PARN: variants seen among roughly 807,000 people sequenced by gnomAD.
PARN encodes the protein poly(A)-specific ribonuclease.
In PARN, 71 loss-of-function variants were observed where a neutral mutation model predicts 102.8. That is an observed-to-expected ratio of 0.69 (90% CI 0.57 to 0.84). The LOEUF is 0.84. PARN is among the 40% of genes least tolerant of loss of function. PARN has a pLI of 0.00. For synonymous variants in PARN, 261 were observed against 252.9 expected, an observed-to-expected ratio of 1.03 and a Z score of -0.30; for missense variants, 782 against 760.9, an observed-to-expected ratio of 1.03 and a Z score of -0.33.
rs981396038 is a variant in PARN, at chr16:14,494,732, T to C, written c.1481-11905A>G. 3.3e-5 allele frequency among the ~76,000 whole-genome samples: 5 copies of C among 152,112 alleles called. No homozygotes were observed. In the East Asian group the frequency reaches 7.7e-4, roughly 23 times the overall value. On this transcript the variant is annotated intron_variant, in intron 21 of 23. Coordinates refer to ENST00000437198, the MANE Select transcript of PARN (RefSeq NM_002582.4). Reference sequence around the variant, plus strand: ...TCAGATCTCCTCCTCCTGACAAAGATTCCGGGAGATCAGCAGGACGCCAGG... The same window carrying C: ...TCAGATCTCCTCCTCCTGACAAAGACTCCGGGAGATCAGCAGGACGCCAGG...
At chr16:14,578,666 A>AG (rs1969315276) in intron 18 of PARN, 1 of 152,128 alleles carries the variant, frequency 6.6e-6, no homozygotes, top group African/African-American at 2.4e-5. Flanking sequence ...CAAAAAAAAA[A>AG]GAAAGAAAAA....
chr16:14,610,977 CCATT>C lies in PARN; in HGVS notation c.389-172_389-169del, dbSNP rs150042122. ...ATTTTGAAATGTGTTTATCATTCAT[CCATT>C]CATTCAGTCTTCTTTCAAGAAATAT... On this transcript the variant is annotated intron_variant, in intron 6 of 23. Transcript: ENST00000437198. 3.3e-3 allele frequency among the ~76,000 whole-genome samples: 498 copies of C among 152,324 alleles called. 19 individuals carry two copies. In the East Asian group the frequency reaches 0.079, roughly 24 times the overall value.
chr16:14,525,379 C>A (rs555192762), intron 21 of PARN, among the ~76,000 whole-genome samples: 1 of 152,166 alleles, frequency 6.6e-6, no homozygotes, highest in African/African-American at 2.4e-5. Context: ...CTCAATGCAG[C>A]GGTCACAGAA....
chr16:14,483,211 A>C (rs759110734), intron 21 of PARN, among the ~76,000 whole-genome samples: 59 of 152,232 alleles, frequency 3.9e-4, no homozygotes, highest in Admixed American at 7.2e-4. Flanking sequence ...GAAAACTATA[A>C]ACCCTCACTA....
intron 21 of PARN, among the ~76,000 whole-genome samples, chr16:14,503,105 C>G (rs1964706742): frequency 6.6e-6 from 1 of 152,148 alleles, no homozygotes; most frequent in African/African-American, 2.4e-5. Flanking sequence ...CCTATCCACG[C>G]TGCTTTGGTG....
intron 22 of PARN, among the ~76,000 whole-genome samples, chr16:14,460,278 T>C (rs1961893884): frequency 1.3e-5 from 2 of 152,328 alleles, no homozygotes; most frequent in Middle Eastern, 6.8e-3. Context: ...AACAGCCAAA[T>C]ATTTAAAGAA....
At chr16:14,437,988 G>A (rs562133808) in intron 23 of PARN, among the ~76,000 whole-genome samples, 1 of 152,206 alleles carries the variant, frequency 6.6e-6, no homozygotes, top group Non-Finnish European at 1.5e-5. Context: ...AGGGTGAGGA[G>A]ACCGGGAAAG....
chr16:14,596,862 C>A (rs1240368258), intron 12 of PARN, among the ~76,000 whole-genome samples: 2 of 150,974 alleles, frequency 1.3e-5, no homozygotes, highest in African/African-American at 4.9e-5. Flanking sequence ...TCTCAGGTTA[C>A]TGCAACCCCC....
Position 14,554,075 on chromosome 16 carries a change from G to C in PARN, c.1395C>G (p.Phe465Leu). The change falls in exon 20 of 24, where the codon TTC becomes TTG. Residue 465 changes from phenylalanine to leucine, a missense_variant. Transcript: ENST00000437198. ...GAACTTGCGACTTACCAAAGGCACT[G>C]AAAAGCTGGTAAAGGTCGCTGGTTT... Reference protein sequence around the residue: ...EWKTSDLYQLFSAFGNIQISW... With the variant: ...EWKTSDLYQLLSAFGNIQISW... 1 of 1,610,934 alleles carries C rather than the reference G, an allele frequency of 6.2e-7. No individual in the cohort carries two copies. The highest frequency in any genetic ancestry group is 8.5e-7 in the Non-Finnish European group (1 of 1,178,038).
chr16:14,546,673 T>C (rs1966963839), intron 21 of PARN, among the ~76,000 whole-genome samples: 1 of 152,210 alleles, frequency 6.6e-6, no homozygotes, highest in Non-Finnish European at 1.5e-5. Flanking sequence ...CTCAAAACAA[T>C]GTCTAAATAT....
At chr16:14,437,674 T>G (rs535513595) in intron 23 of PARN, among the ~76,000 whole-genome samples, 1 of 152,322 alleles carries the variant, frequency 6.6e-6, no homozygotes, top group Non-Finnish European at 1.5e-5. Context: ...TGCCATGCAT[T>G]AAGTCATAAA....
intron 21 of PARN, among the ~76,000 whole-genome samples, chr16:14,522,224 A>C (rs1177532507): frequency 1.3e-5 from 2 of 152,256 alleles, no homozygotes; most frequent in African/African-American, 4.8e-5. Context: ...CTTTAGCCAC[A>C]AACATCATTT....
chr16:14,537,473 C>T (rs890380881), intron 21 of PARN, among the ~76,000 whole-genome samples: 3 of 152,132 alleles, frequency 2.0e-5, no homozygotes, highest in Non-Finnish European at 4.4e-5. Flanking sequence ...CAAAGGCATA[C>T]GCTGCACCCC....
At chr16:14,500,033 A>G (rs1259461778) in intron 21 of PARN, among the ~76,000 whole-genome samples, 2 of 152,214 alleles carry the variant, frequency 1.3e-5, no homozygotes, top group Non-Finnish European at 2.9e-5. Flanking sequence ...TCAGGTATAC[A>G]GAGAGAAGAA....
chr16:14,624,435 A>G (rs969896463), intron 5 of PARN, among the ~76,000 whole-genome samples: 3 of 152,144 alleles, frequency 2.0e-5, no homozygotes, highest in Admixed American at 6.5e-5. Flanking sequence ...ATTTTTATTC[A>G]TCTGTTTTAG....
At chr16:14,512,168 G>A (rs1450367738) in intron 21 of PARN, among the ~76,000 whole-genome samples, 1 of 152,122 alleles carries the variant, frequency 6.6e-6, no homozygotes, top group Non-Finnish European at 1.5e-5. Context: ...ATTTAGTTGA[G>A]AACTCCTTGA....
intron 12 of PARN, among the ~76,000 whole-genome samples, chr16:14,595,111 A>G (rs1305687333): frequency 6.6e-6 from 1 of 152,220 alleles, no homozygotes; most frequent in African/African-American, 2.4e-5. Flanking sequence ...TAAATCATAA[A>G]TGTTATCATT....
intron 22 of PARN, among the ~76,000 whole-genome samples, chr16:14,466,170 T>C (rs1962336612): frequency 1.3e-5 from 2 of 152,126 alleles, no homozygotes; most frequent in African/African-American, 4.8e-5. Context: ...AATGAAGAAG[T>C]AGCAGTAAGT....
At chr16:14,535,921 T>C (rs1966587778) in intron 21 of PARN, among the ~76,000 whole-genome samples, 1 of 152,214 alleles carries the variant, frequency 6.6e-6, no homozygotes, top group Non-Finnish European at 1.5e-5. Flanking sequence ...GGGACTACTG[T>C]ACTCTGCTAG....
Sources: gnomAD v4.1 joint callset for allele counts (sites outside exome capture counted in the v4.1 genomes callset) on GRCh38, gnomAD v4.1.1 for gene constraint, MANE v1.5 for transcripts, NCBI Gene and HGNC (gene_info 2026-07-23, HGNC 2026-07-21) for gene names.